Variants in THSD7A observed in about 807,000 individuals in gnomAD.
The protein encoded by THSD7A is thrombospondin type-1 domain-containing protein 7A.
In THSD7A, 96 loss-of-function variants were observed where a neutral mutation model predicts 231.3. That is an observed-to-expected ratio of 0.41 (90% CI 0.35 to 0.49). THSD7A has a LOEUF of 0.49. Ranked by LOEUF, THSD7A falls within the 20% of genes least tolerant of loss-of-function variation. The pLI is 0.05. For missense variants in THSD7A, 2,290 were observed against 2,070.2 expected (o/e 1.11, Z -2.06); for synonymous variants, 940 against 743.3 (o/e 1.26, Z -4.30).
In THSD7A at chr7:11,798,016, G is replaced by C. The variant is rs141203322; in HGVS notation, c.190+33741C>G. 8.1e-3 allele frequency among the ~76,000 whole-genome samples: 1,237 copies of C among 152,124 alleles called. 11 individuals are homozygous for C. The highest frequency in any genetic ancestry group is 0.028 in the African/African-American group (1,172 of 41,496). ...AAAAAATCTGAAATATAGACATTGT[G>C]AGCAACATGAAGATAGAAAGTCAAG... On this transcript the variant is annotated intron_variant, in intron 1 of 27. Coordinates refer to ENST00000423059, the MANE Select transcript of THSD7A (RefSeq NM_015204.3).
chr7:11,422,124 A>T (rs1002293428), intron 16 of THSD7A, among the ~76,000 whole-genome samples: 13 of 152,216 alleles, frequency 8.5e-5, no homozygotes, highest in Non-Finnish European at 7.3e-5. Context: ...TGTGGTAATA[A>T]GACAGTGTAT....
At position 11,371,689 on chromosome 7, in the gene THSD7A, G is replaced by A. The variant is rs1288901679; in HGVS notation, c.*4105C>T. On this transcript the variant is annotated 3_prime_UTR_variant, in exon 28 of 28. Coordinates refer to ENST00000423059, the MANE Select transcript of THSD7A (RefSeq NM_015204.3). Reference sequence around the variant, plus strand: ...ACAAAGACTCGAGATGGAGGCAGGAGGATATGGGATGGTCTAAAGCAAGTG... The same window carrying A: ...ACAAAGACTCGAGATGGAGGCAGGAAGATATGGGATGGTCTAAAGCAAGTG... 2 of 151,454 alleles carry A rather than the reference G, an allele frequency of 1.3e-5. No homozygotes were observed. The highest frequency in any genetic ancestry group is 2.0e-4 in the East Asian group (1 of 5,128). 9.4% of individuals were successfully genotyped at this position (151,454 alleles called of 1,614,324 possible).
chr7:11,615,727 C>T (rs890787624), intron 2 of THSD7A, among the ~76,000 whole-genome samples: 3 of 152,130 alleles, frequency 2.0e-5, no homozygotes, highest in African/African-American at 7.2e-5. Flanking sequence ...TTTCCAATGA[C>T]AATGTGCAAT....
At chr7:11,815,842 C>G (rs917600486) in intron 1 of THSD7A, among the ~76,000 whole-genome samples, 2 of 152,116 alleles carry the variant, frequency 1.3e-5, no homozygotes, top group African/African-American at 2.4e-5. Flanking sequence ...CCATTCCCTT[C>G]TTCTCCAAAC....
intron 6 of THSD7A, among the ~76,000 whole-genome samples, chr7:11,498,750 C>A (rs534492515): frequency 6.6e-6 from 1 of 152,278 alleles, no homozygotes; most frequent in South Asian, 2.1e-4. Flanking sequence ...CCCTACTTCC[C>A]TGGGACAAAG....
intron 16 of THSD7A, among the ~76,000 whole-genome samples, chr7:11,424,156 G>A (rs1784241654): frequency 6.6e-6 from 1 of 150,716 alleles, no homozygotes. Flanking sequence ...AGTGTGACTG[G>A]GGAGATGCAT....
At chr7:11,649,185 G>GTGT (rs1584144980) in intron 1 of THSD7A, among the ~76,000 whole-genome samples, 1 of 152,036 alleles carries the variant, frequency 6.6e-6, no homozygotes, top group East Asian at 1.9e-4. Flanking sequence ...TACTCAAGCA[G>GTGT]TGTTTTGAAA....
intron 1 of THSD7A, among the ~76,000 whole-genome samples, chr7:11,677,584 CAAAAAAAAAAAA>C (rs553030554): frequency 4.9e-4 from 11 of 22,276 alleles, no homozygotes; most frequent in Middle Eastern, 0.031. Flanking sequence ...AAATGGAAAG[CAAAAAAAAAAAA>C]AAAAAAAAAA....
In THSD7A at chr7:11,690,728, A is replaced by G. The variant is rs183889977; in HGVS notation, c.191-53767T>C. 5.3e-5 allele frequency among the ~76,000 whole-genome samples: 8 copies of G among 151,906 alleles called. No homozygotes were observed. In the East Asian group the frequency reaches 1.6e-3, roughly 30 times the overall value. The stretch of plus-strand genomic sequence containing the variant: ...CTTTCTCGAATTTCCTCCTTGAGAA[A>G]ACTGAGTCAATTTCTGTACAAGAAT... On this transcript the variant is annotated intron_variant, in intron 1 of 27. Transcript: ENST00000423059.
At chr7:11,512,552 G>C (rs1787855874) in intron 6 of THSD7A, among the ~76,000 whole-genome samples, 1 of 151,952 alleles carries the variant, frequency 6.6e-6, no homozygotes, top group South Asian at 2.1e-4. Context: ...ATCAATAATA[G>C]ACTGGATTAA....
intron 1 of THSD7A, among the ~76,000 whole-genome samples, chr7:11,685,061 A>G (rs754775323): frequency 1.9e-4 from 29 of 151,958 alleles, no homozygotes; most frequent in Admixed American, 9.9e-4. Context: ...GGACACAGAA[A>G]TAAATTTGCA....
At chr7:11,539,799 GAAGTGCCATGCA>G (rs1789065328) in intron 6 of THSD7A, among the ~76,000 whole-genome samples, 1 of 152,190 alleles carries the variant, frequency 6.6e-6, no homozygotes. Flanking sequence ...CACTGAGGCA[GAAGTGCCATGCA>G]AAGTTAACTT....
chr7:11,587,330 T>A (rs923243667), intron 4 of THSD7A, among the ~76,000 whole-genome samples: 25 of 152,170 alleles, frequency 1.6e-4, no homozygotes, highest in Admixed American at 5.9e-4. Context: ...AGGGTTTTAC[T>A]ACTGACACTG....
At position 11,407,046 on chromosome 7, in the gene THSD7A, A is replaced by G; in HGVS notation, c.3926T>C (p.Ile1309Thr). The change falls in exon 21 of 28, where the codon ATC (isoleucine) becomes ACC (threonine). Residue 1309 changes from isoleucine to threonine, a missense_variant. By Grantham distance (89) the Ile-to-Thr change is moderately conservative. Transcript: ENST00000423059. Reference sequence around the variant, plus strand: ...GGGCTGGGTCACTGTTCGTCTTCGGATCATTTTTCCTTGAAGAGATACAAA... The same window carrying G: ...GGGCTGGGTCACTGTTCGTCTTCGGGTCATTTTTCCTTGAAGAGATACAAA... ...SQTCGLTGKMIRRRTVTQPFQ... is the reference protein window; with the variant it reads ...SQTCGLTGKMTRRRTVTQPFQ... 3.1e-6 allele frequency: 5 copies of G among 1,613,668 alleles called. No individual in the cohort carries two copies. The highest frequency in any genetic ancestry group is 4.2e-6 in the Non-Finnish European group (5 of 1,179,804).
chr7:11,539,624 A>G (rs1789058485), intron 6 of THSD7A, among the ~76,000 whole-genome samples: 1 of 152,180 alleles, frequency 6.6e-6, no homozygotes, highest in African/African-American at 2.4e-5. Flanking sequence ...CTAGGAGGTA[A>G]TTACTTGTGT....
intron 6 of THSD7A, among the ~76,000 whole-genome samples, chr7:11,518,281 T>C (rs190618205): frequency 6.6e-6 from 1 of 152,190 alleles, no homozygotes; most frequent in Admixed American, 6.5e-5. Flanking sequence ...TACAAAGAAA[T>C]TGCTTCTGAT....
chr7:11,615,019 T>G (rs113326871), intron 2 of THSD7A, among the ~76,000 whole-genome samples: 16 of 152,346 alleles, frequency 1.1e-4, no homozygotes, highest in African/African-American at 3.8e-4. Flanking sequence ...GGGAACTGAT[T>G]ATGGCAAATT....
intron 1 of THSD7A, among the ~76,000 whole-genome samples, chr7:11,791,837 T>C (rs2128178211): frequency 6.6e-6 from 1 of 152,098 alleles, no homozygotes; most frequent in Middle Eastern, 3.4e-3. Context: ...TTTGGATTCA[T>C]CATCCTGTTC....
chr7:11,671,189 C>A (rs765428076), intron 1 of THSD7A, among the ~76,000 whole-genome samples: 1 of 152,158 alleles, frequency 6.6e-6, no homozygotes, highest in Non-Finnish European at 1.5e-5. Flanking sequence ...TTCTGATGCT[C>A]CTAGCACTAG....
Sources: gnomAD v4.1 joint callset for allele counts (sites outside exome capture counted in the v4.1 genomes callset) on GRCh38, gnomAD v4.1.1 for gene constraint, MANE v1.5 for transcripts, NCBI Gene and HGNC (gene_info 2026-07-23, HGNC 2026-07-21) for gene names.